Variants in PHAF1 observed in about 807,000 individuals in gnomAD.
PHAF1 encodes the protein phagosome assembly factor 1.
A neutral mutation model predicts 63.1 loss-of-function variants in PHAF1; 23 were observed. That is an observed-to-expected ratio of 0.36 (90% confidence interval 0.26 to 0.52). The LOEUF is 0.52. Ranked by LOEUF, PHAF1 falls within the 20% of genes least tolerant of loss-of-function variation. The probability of loss-of-function intolerance (pLI) is 0.93; values close to 1 mark genes in which losing one functional copy is unlikely to be tolerated. For synonymous variants in PHAF1, 167 were observed against 185.0 expected, an observed-to-expected ratio of 0.90 and a Z score of 0.79; for missense variants, 427 against 517.2, an observed-to-expected ratio of 0.83 and a Z score of 1.69.
chr16:67,145,246 C>T, intron 12 of PHAF1, 130 bp from the exon 13 acceptor site: 1 of 1,033,394 alleles, frequency 9.7e-7, no homozygotes, highest in Non-Finnish European at 1.4e-6. Flanking sequence ...AACTCCAAAA[C>T]AGCCTGTTAA....
intron 2 of PHAF1, among the ~76,000 whole-genome samples, chr16:67,124,012 A>G (rs1440459408): frequency 6.6e-6 from 1 of 152,216 alleles, no homozygotes; most frequent in Non-Finnish European, 1.5e-5. Flanking sequence ...TTTTGGTTTT[A>G]GAGATATAAA....
At chr16:67,124,510 A>C (rs1370471117) in intron 2 of PHAF1, among the ~76,000 whole-genome samples, 1 of 152,204 alleles carries the variant, frequency 6.6e-6, no homozygotes, top group Non-Finnish European at 1.5e-5. Context: ...GCAGTGGCTT[A>C]TGGCCTTCCA....
intron 4 of PHAF1, 91 bp downstream of exon 4, chr16:67,131,420 C>G: frequency 6.2e-5 from 59 of 951,178 alleles, no homozygotes; most frequent in African/African-American, 8.5e-5. Flanking sequence ...TCACATCTGT[C>G]ACAGATGTGA....
intron 1 of PHAF1, among the ~76,000 whole-genome samples, chr16:67,117,893 AT>A (rs1962804842): frequency 6.9e-6 from 1 of 145,388 alleles, no homozygotes; most frequent in Admixed American, 6.9e-5. Flanking sequence ...AGCTCAAGCC[AT>A]CCTTTCACCT....
At chr16:67,130,102 A>G (rs1295741656) in intron 3 of PHAF1, among the ~76,000 whole-genome samples, 1 of 152,160 alleles carries the variant, frequency 6.6e-6, no homozygotes, top group Non-Finnish European at 1.5e-5. Context: ...GCTGGGGTGC[A>G]GTGGCGCAAT....
rs1429440709 is a variant in PHAF1 at position 67,133,003 on chromosome 16, TTAGA to T, written c.450+96_450+99del. 4 of 1,024,930 alleles carry T rather than the reference TTAGA, an allele frequency of 3.9e-6. No homozygotes were observed. In the African/African-American group the frequency reaches 4.8e-5, roughly 12 times the overall value. 63.5% of individuals were successfully genotyped at this position (1,024,930 alleles called of 1,614,324 possible). A position where few individuals can be genotyped will look rare whatever the true frequency, so the allele number is the denominator to read the frequency against. On this transcript the variant is annotated intron_variant, in intron 6 of 15. Transcript: ENST00000219139. ...TGGGATGGGAATAGAGGAGTGGGTATTAGATAGGCAGACTTTCTTTGGTTTCCAT... is the reference window on the plus strand; with the variant it reads ...TGGGATGGGAATAGAGGAGTGGGTATTAGGCAGACTTTCTTTGGTTTCCAT...
intron 1 of PHAF1, among the ~76,000 whole-genome samples, chr16:67,111,198 A>G (rs1192359290): frequency 6.6e-6 from 1 of 152,242 alleles, no homozygotes; most frequent in Non-Finnish European, 1.5e-5. Context: ...TGAAGGTTGG[A>G]TGAAATAGGA....
intron 2 of PHAF1, among the ~76,000 whole-genome samples, chr16:67,121,336 C>CAT (rs2145834670): frequency 6.6e-6 from 1 of 150,936 alleles, no homozygotes; most frequent in African/African-American, 2.4e-5. Context: ...GGACTACAGG[C>CAT]GCCCACCACC....
At chr16:67,123,013 GCCACCACAC>G (rs1285248941) in intron 2 of PHAF1, among the ~76,000 whole-genome samples, 6 of 151,560 alleles carry the variant, frequency 4.0e-5, no homozygotes, top group African/African-American at 1.5e-4. Flanking sequence ...ACAAGCATGA[GCCACCACAC>G]CCAGCCTAGG....
rs2030276234 is a variant in PHAF1 at position 67,148,253 on chromosome 16, G to T, written c.*1122G>T. 6.6e-6 allele frequency: 1 copy of T among 152,604 alleles called. No individual in the cohort carries two copies. Among genetic ancestry groups the T allele is most frequent in the African/African-American group, 2.4e-5 (1 of 41,434 alleles). 9.5% of individuals were successfully genotyped at this position (152,604 alleles called of 1,614,324 possible). On this transcript the variant is annotated 3_prime_UTR_variant, in exon 16 of 16. Transcript: ENST00000219139. ...ACAGCCTCATCCTGTATAGTTTAAT[G>T]ATGAATGTGCAGGGGACCTGTCTCA...
chr16:67,148,012 T>G lies in PHAF1; in HGVS notation c.*881T>G, dbSNP rs1309888836. 1 of 152,696 alleles carries G rather than the reference T, an allele frequency of 6.5e-6. No individual in the cohort carries two copies. Among genetic ancestry groups the G allele is most frequent in the Non-Finnish European group, 1.5e-5 (1 of 68,060 alleles). The allele number at this position is 152,696 out of a possible 1,614,324, so 9.5% of individuals were successfully genotyped here. On this transcript the variant is annotated 3_prime_UTR_variant, in exon 16 of 16. Transcript: ENST00000219139. ...GGGGGCTCAAGGAAGGCTGGGCTGC[T>G]CAGTCCCTTCATGGGTCTTGCTAAT...
At chr16:67,141,160 A>G (rs1455246467) in intron 10 of PHAF1, among the ~76,000 whole-genome samples, 1 of 152,170 alleles carries the variant, frequency 6.6e-6, no homozygotes, top group Non-Finnish European at 1.5e-5. Context: ...GCTGGCCTGG[A>G]CCATGGGTCT....
chr16:67,145,703 C>T (rs2029997894), intron 14 of PHAF1, 75 bp downstream of exon 14: 1 of 1,476,626 alleles, frequency 6.8e-7, no homozygotes, highest in Non-Finnish European at 9.2e-7. Context: ...AAGCCTGGCA[C>T]AGTGGATGTT....
chr16:67,110,200 G>C lies in PHAF1; in HGVS notation c.25G>C (p.Glu9Gln). MLDLEVVP[E>Q]RSLGNEQWEF... ...AATGCTGGACCTGGAGGTAGTGCCCGAACGCTCTCTGGGGAACGAGCAATG... is the reference window on the plus strand; with the variant it reads ...AATGCTGGACCTGGAGGTAGTGCCCCAACGCTCTCTGGGGAACGAGCAATG... The change falls in exon 1 of 16, where the codon GAA becomes CAA. Residue 9 changes from glutamate (E) to glutamine (Q), a missense_variant. By Grantham distance (29) the Glu-to-Gln change is conservative. Coordinates refer to ENST00000219139, the MANE Select transcript of PHAF1 (RefSeq NM_025187.5). The C allele has an allele frequency of 6.4e-7, 1 of 1,552,908 alleles. No homozygotes were observed. Among genetic ancestry groups the C allele is most frequent in the Non-Finnish European group, 8.7e-7 (1 of 1,147,764 alleles).
chr16:67,112,122 G>A (rs942201782), intron 1 of PHAF1, among the ~76,000 whole-genome samples: 5 of 151,934 alleles, frequency 3.3e-5, no homozygotes, highest in African/African-American at 1.2e-4. Flanking sequence ...CTCCTTGACA[G>A]CTTCTACCCA....
At chr16:67,146,232 C>T (rs1407382667) in intron 14 of PHAF1, 46 bp from the exon 15 acceptor site, 4 of 1,545,282 alleles carry the variant, frequency 2.6e-6, no homozygotes, top group Admixed American at 1.7e-5. Context: ...TGCTTTAAGG[C>T]CGTGGCCTCT....
At chr16:67,123,831 C>A (rs1323047553) in intron 2 of PHAF1, among the ~76,000 whole-genome samples, 1 of 152,138 alleles carries the variant, frequency 6.6e-6, no homozygotes, top group Non-Finnish European at 1.5e-5. Context: ...GAAATATGTT[C>A]TTGTCTCTAT....
At chr16:67,134,653 C>G (rs1963543123) in intron 8 of PHAF1, 186 bp downstream of exon 8, 1 of 688,748 alleles carries the variant, frequency 1.5e-6, no homozygotes, top group East Asian at 2.8e-5. Flanking sequence ...AGTCCAAGAT[C>G]AAGGCACTGG....
At chr16:67,130,085 C>T (rs1159904412) in intron 3 of PHAF1, among the ~76,000 whole-genome samples, 5 of 152,192 alleles carry the variant, frequency 3.3e-5, no homozygotes, top group East Asian at 1.9e-4. Context: ...CTCGCTCTGT[C>T]GCCCAGGCTG....
Sources: allele counts gnomAD v4.1 joint callset (sites outside exome capture counted in the v4.1 genomes callset), GRCh38; gene constraint gnomAD v4.1.1; transcripts MANE v1.5; gene names NCBI Gene and HGNC (gene_info 2026-07-23, HGNC 2026-07-21).